AKAP7: variants seen among roughly 807,000 people sequenced by gnomAD.
AKAP7 encodes the protein A kinase (PRKA) anchor protein 7.
Under a neutral mutation model 39.5 loss-of-function variants are expected in AKAP7, and 39 were observed. The observed-to-expected ratio is 0.99, with a 90% CI of 0.76 to 1.29. The LOEUF (loss-of-function observed/expected upper bound fraction) is 1.29, where lower values mean the gene tolerates loss of function less well. Ranked by LOEUF, AKAP7 falls within the 50% of genes most tolerant of loss-of-function variation. AKAP7 has a pLI of 0.00. For missense variants in AKAP7, 414 were observed against 407.7 expected, an observed-to-expected ratio of 1.02 and a Z score of -0.13; for synonymous variants, 140 against 139.1, an observed-to-expected ratio of 1.01 and a Z score of -0.05.
intron 1 of AKAP7, among the ~76,000 whole-genome samples, chr6:131,144,414 T>C (rs1337927104): frequency 6.6e-6 from 1 of 152,224 alleles, no homozygotes; most frequent in East Asian, 1.9e-4. Flanking sequence ...AAGGACTTCT[T>C]AAACATCTTG....
intron 7 of AKAP7, among the ~76,000 whole-genome samples, chr6:131,255,311 G>A (rs193239145): frequency 5.3e-5 from 8 of 152,286 alleles, no homozygotes; most frequent in African/African-American, 1.9e-4. Context: ...CATTTCTTGT[G>A]AGTGTGAGAG....
chr6:131,160,905 T>G (rs1422199746), intron 3 of AKAP7, among the ~76,000 whole-genome samples: 1 of 152,190 alleles, frequency 6.6e-6, no homozygotes, highest in East Asian at 1.9e-4. Context: ...CTGCATCTCA[T>G]TACAACCACT....
chr6:131,200,347 A>G (rs1234843185), intron 6 of AKAP7, among the ~76,000 whole-genome samples: 1 of 152,108 alleles, frequency 6.6e-6, no homozygotes, highest in Non-Finnish European at 1.5e-5. Flanking sequence ...TCCTCATGCA[A>G]ATTCAGACAT....
chr6:131,143,852 C>T (rs550190976), intron 1 of AKAP7, among the ~76,000 whole-genome samples: 6 of 143,154 alleles, frequency 4.2e-5, no homozygotes, highest in Non-Finnish European at 9.1e-5. Context: ...GAGGGAAGGT[C>T]AGCAGATAAA....
In AKAP7 at chr6:131,169,291, T is replaced by A. The variant is rs1344074487; in HGVS notation, c.589+18T>A. 3.1e-6 allele frequency: 5 copies of A among 1,609,986 alleles called. No individual in the cohort carries two copies. Among genetic ancestry groups the A allele is most frequent in the Non-Finnish European group, 4.2e-6 (5 of 1,178,886 alleles). On this transcript the variant is annotated intron_variant, in intron 5 of 7. Coordinates refer to ENST00000431975, the MANE Select transcript of AKAP7 (RefSeq NM_016377.4). Reference sequence around the variant, plus strand: ...GATAGCAGGTAAAACAGCAACACACTCATATGAAATCTTGTCTGTTGGAGA... The same window carrying A: ...GATAGCAGGTAAAACAGCAACACACACATATGAAATCTTGTCTGTTGGAGA...
At chr6:131,140,878 C>T (rs1037022910) in intron 1 of AKAP7, among the ~76,000 whole-genome samples, 35 of 152,104 alleles carry the variant, frequency 2.3e-4, no homozygotes, top group African/African-American at 8.5e-4. Context: ...AAAACACAAG[C>T]ATAAAAATAG....
intron 5 of AKAP7, among the ~76,000 whole-genome samples, chr6:131,180,439 T>C (rs555138005): frequency 6.6e-6 from 1 of 152,352 alleles, no homozygotes; most frequent in East Asian, 1.9e-4. Flanking sequence ...ATCCTAAGAA[T>C]TAGCTACAGA....
chr6:131,219,559 CA>C, intron 6 of AKAP7, 101 bp from the exon 7 acceptor site: 1 of 1,062,978 alleles, frequency 9.4e-7, no homozygotes, highest in Non-Finnish European at 1.3e-6. Context: ...AGTGGTGTAA[CA>C]ATGTAGTAAT....
chr6:131,277,589 T>C (rs1814854131), intron 7 of AKAP7, among the ~76,000 whole-genome samples: 1 of 152,182 alleles, frequency 6.6e-6, no homozygotes, highest in Non-Finnish European at 1.5e-5. Context: ...AGAAGAAAAA[T>C]ACAGCATAAT....
At position 131,266,844 on chromosome 6, in the gene AKAP7, C is replaced by G. The variant is rs186579187; in HGVS notation, c.851-14686C>G. On this transcript the variant is annotated intron_variant, in intron 7 of 7. Transcript: ENST00000431975. ...TTCAAGTTCTCTTTAGCATCACACTCTATTTGACCCATTATTATTACTTTT... is the reference window on the plus strand; with the variant it reads ...TTCAAGTTCTCTTTAGCATCACACTGTATTTGACCCATTATTATTACTTTT... Among the ~76,000 whole-genome samples the G allele has an allele frequency of 1.7e-3, 255 of 152,230 alleles. 1 individual carries two copies. The highest frequency in any genetic ancestry group is 6.0e-3 in the African/African-American group (249 of 41,532).
rs946832127 is a variant in AKAP7, at chr6:131,283,125, A to T, written c.*1399A>T. On this transcript the variant is annotated 3_prime_UTR_variant, in exon 8 of 8. Coordinates refer to ENST00000431975, the MANE Select transcript of AKAP7 (RefSeq NM_016377.4). The stretch of plus-strand genomic sequence containing the variant: ...TGCGATCACTGGTTAAGAATGTTTT[A>T]TATATCCTTATAATATTTTTCACTG... 2.6e-5 allele frequency: 4 copies of T among 152,848 alleles called. No individual in the cohort carries two copies. The highest frequency in any genetic ancestry group is 9.6e-5 in the African/African-American group (4 of 41,462). The allele number at this position is 152,848 out of a possible 1,614,324, so 9.5% of individuals were successfully genotyped here.
intron 5 of AKAP7, among the ~76,000 whole-genome samples, chr6:131,171,166 G>GAA (rs957824886): frequency 2.3e-4 from 34 of 147,148 alleles, no homozygotes; most frequent in Middle Eastern, 3.4e-3. Context: ...TAGAAAACTG[G>GAA]AAAAAAAAAA....
chr6:131,178,487 C>T (rs140261176), intron 5 of AKAP7, among the ~76,000 whole-genome samples: 117 of 152,292 alleles, frequency 7.7e-4, no homozygotes, highest in African/African-American at 2.7e-3. Context: ...ACTTCTTTGA[C>T]GTTAGCATCC....
At chr6:131,176,909 A>G (rs1479868095) in intron 5 of AKAP7, among the ~76,000 whole-genome samples, 1 of 152,292 alleles carries the variant, frequency 6.6e-6, no homozygotes, top group South Asian at 2.1e-4. Context: ...ACTTAGCCAC[A>G]CTTCACTTAG....
In AKAP7 at chr6:131,160,364, AC is replaced by A. The variant is rs1298887235; in HGVS notation, c.291+167del. Among the ~76,000 whole-genome samples the A allele has an allele frequency of 4.6e-5, 7 of 152,196 alleles. No homozygotes were observed. The South Asian group carries it at 1.2e-3, about 27-fold the overall frequency. ...GTTTAAGTAATAGAAATGTATTTAAACAACAGGTTTGGAAAATATCATTTGT... is the reference window on the plus strand; with the variant it reads ...GTTTAAGTAATAGAAATGTATTTAAAAACAGGTTTGGAAAATATCATTTGT... On this transcript the variant is annotated intron_variant, in intron 3 of 7. Transcript: ENST00000431975.
intron 5 of AKAP7, among the ~76,000 whole-genome samples, chr6:131,196,390 T>C (rs1445238705): frequency 6.6e-6 from 1 of 151,146 alleles, no homozygotes; most frequent in African/African-American, 2.4e-5. Context: ...CTCTGCCTCC[T>C]GAATAGCTGG....
chr6:131,269,542 G>A (rs1325935256), intron 7 of AKAP7, among the ~76,000 whole-genome samples: 2 of 152,146 alleles, frequency 1.3e-5, no homozygotes, highest in Non-Finnish European at 2.9e-5. Flanking sequence ...CATATGATAT[G>A]GAATAGCAAA....
At chr6:131,252,679 A>G (rs1228721498) in intron 7 of AKAP7, among the ~76,000 whole-genome samples, 1 of 152,238 alleles carries the variant, frequency 6.6e-6, no homozygotes, top group Non-Finnish European at 1.5e-5. Context: ...GAACATATAA[A>G]TTAGCACAAA....
chr6:131,158,608 A>G (rs1324977703), intron 2 of AKAP7, among the ~76,000 whole-genome samples: 2 of 151,574 alleles, frequency 1.3e-5, no homozygotes, highest in African/African-American at 4.9e-5. Context: ...CCTGGGTTCA[A>G]GCGATTTTGT....
Sources: allele counts gnomAD v4.1 joint callset (sites outside exome capture counted in the v4.1 genomes callset), GRCh38; gene constraint gnomAD v4.1.1; transcripts MANE v1.5; gene names NCBI Gene and HGNC (gene_info 2026-07-23, HGNC 2026-07-21).